VWDE: variants seen among roughly 807,000 people sequenced by gnomAD.
The protein encoded by VWDE is von Willebrand factor D and EGF domain-containing protein.
A neutral mutation model predicts 178.4 loss-of-function variants in VWDE; 207 were observed. The ratio of observed to expected loss-of-function variants is 1.16; its 90% CI spans 1.04 to 1.30. The LOEUF is 1.30. Among genes scored for constraint, VWDE ranks in the 50% most tolerant of loss-of-function variants. The pLI is 0.00. For missense variants in VWDE, 2,287 were observed against 1,901.3 expected (o/e 1.20, Z -3.77); for synonymous variants, 738 against 651.4 (o/e 1.13, Z -2.02).
At chr7:12,331,334 T>C in intron 28 of VWDE, 137 bp from the exon 29 acceptor site, 1 of 582,518 alleles carries the variant, frequency 1.7e-6, no homozygotes, top group South Asian at 2.8e-5. Flanking sequence ...GACTCAATAC[T>C]GTTTTCATAA....
chr7:12,333,373 T>A (rs6460928), intron 28 of VWDE, 92 bp downstream of exon 28: 3 of 797,738 alleles, frequency 3.8e-6, no homozygotes, highest in Non-Finnish European at 5.6e-6. Context: ...TTGGAAATAA[T>A]AAAAAAACAT....
At chr7:12,381,958 T>C (rs541274358) in intron 4 of VWDE, among the ~76,000 whole-genome samples, 1 of 151,996 alleles carries the variant, frequency 6.6e-6, no homozygotes, top group South Asian at 2.1e-4. Context: ...TGCAACAGTA[T>C]AGATGAAACA....
intron 20 of VWDE, 42 bp from the exon 21 acceptor site, chr7:12,344,332 A>T: frequency 6.5e-7 from 1 of 1,550,198 alleles, no homozygotes; most frequent in Non-Finnish European, 8.7e-7. Context: ...ATCAATTACC[A>T]AATACAATTT....
At position 12,333,508 on chromosome 7, in the gene VWDE, C is replaced by A; in HGVS notation, c.4715G>T (p.Cys1572Phe). The change falls in exon 28 of 29, where the codon TGC becomes TTC. Residue 1572 changes from cysteine (C) to phenylalanine (F), a missense_variant. Physicochemically the swap from Cys to Phe is radical, Grantham distance 205. Coordinates refer to ENST00000275358, the MANE Select transcript of VWDE (RefSeq NM_001135924.3). ...GRCIFPNVCS[C>F]RTEYSGVKCE... ...TTTGACTCCAGAGTATTCAGTGCGGCAGGAACACACATTGGGAAATATGCA... is the reference window on the plus strand; with the variant it reads ...TTTGACTCCAGAGTATTCAGTGCGGAAGGAACACACATTGGGAAATATGCA... The A allele has an allele frequency of 1.3e-6, 2 of 1,551,162 alleles. No homozygotes were observed. Among genetic ancestry groups the A allele is most frequent in the Non-Finnish European group, 1.7e-6 (2 of 1,146,648 alleles).
At chr7:12,338,616 T>C (rs1324158948) in intron 24 of VWDE, among the ~76,000 whole-genome samples, 1 of 152,098 alleles carries the variant, frequency 6.6e-6, no homozygotes, top group East Asian at 1.9e-4. Flanking sequence ...AGGGTGGCCA[T>C]GTCTACCCAT....
intron 1 of VWDE, among the ~76,000 whole-genome samples, chr7:12,402,952 C>G (rs847991): frequency 6.6e-6 from 1 of 151,836 alleles, no homozygotes; most frequent in Non-Finnish European, 1.5e-5. Flanking sequence ...AATATAAGAA[C>G]AAGTCACCTT....
rs151314419 is a variant in VWDE at position 12,385,412 on chromosome 7, G to T, written c.476-1811C>A. Among the ~76,000 whole-genome samples, 1,089 of 152,272 alleles carry T rather than the reference G, an allele frequency of 7.2e-3. 13 individuals are homozygous for T. Among genetic ancestry groups the T allele is most frequent in the African/African-American group, 0.024 (1,003 of 41,552 alleles). On this transcript the variant is annotated intron_variant, in intron 3 of 28. Transcript: ENST00000275358. ...CTTCTAAAGTAGTTATGATAAGAAG[G>T]CTTTTTCCAAATAAGCTCCTTAAAA...
chr7:12,346,808 T>G (rs566734430), intron 19 of VWDE, among the ~76,000 whole-genome samples: 1 of 152,202 alleles, frequency 6.6e-6, no homozygotes, highest in South Asian at 2.1e-4. Flanking sequence ...ACTGTCTTCA[T>G]GCAAAGCTCT....
intron 6 of VWDE, among the ~76,000 whole-genome samples, chr7:12,379,242 A>G (rs187888411): frequency 6.4e-4 from 97 of 152,302 alleles, no homozygotes; most frequent in Admixed American, 1.3e-3. Context: ...CTTTACTCTA[A>G]TTTGAGCTAT....
At chr7:12,401,415 A>T (rs1784888156) in intron 1 of VWDE, among the ~76,000 whole-genome samples, 1 of 152,160 alleles carries the variant, frequency 6.6e-6, no homozygotes. Context: ...TAAGAAAATT[A>T]TATCTGGAAT....
At chr7:12,364,677 A>G (rs970845755) in intron 13 of VWDE, among the ~76,000 whole-genome samples, 1 of 152,148 alleles carries the variant, frequency 6.6e-6, no homozygotes, top group Admixed American at 6.6e-5. Flanking sequence ...TGTGTAGAAG[A>G]AATGATGGAA....
chr7:12,357,420 C>T lies in VWDE; in HGVS notation c.3370G>A (p.Gly1124Ser), dbSNP rs1485903536. Residue 1124 changes from glycine to serine, a missense_variant, in exon 17 of 29, where the codon GGT becomes AGT. By Grantham distance (56) the Gly-to-Ser change is moderately conservative (BLOSUM62 0). Coordinates refer to ENST00000275358, the MANE Select transcript of VWDE (RefSeq NM_001135924.3). ...TCCAACGTAAAATGGATGTCAGAAC[C>T]TTCTGGATCGAAGGCCACGAACTGA... The part of the protein sequence containing the change: ...EYQFVAFDPE[G>S]SDIHFTLDSG... 9 of 1,551,832 alleles carry T rather than the reference C, an allele frequency of 5.8e-6. No individual in the cohort carries two copies. The highest frequency in any genetic ancestry group is 7.0e-6 in the Non-Finnish European group (8 of 1,147,076).
intron 27 of VWDE, among the ~76,000 whole-genome samples, chr7:12,334,951 A>C (rs1320379779): frequency 2.0e-5 from 3 of 152,172 alleles, no homozygotes; most frequent in Admixed American, 2.0e-4. Context: ...AAATACCAGC[A>C]CTTAATAGTA....
intron 24 of VWDE, among the ~76,000 whole-genome samples, chr7:12,338,287 G>C (rs112440508): frequency 0.019 from 2,832 of 151,914 alleles, 83 homozygotes; most frequent in African/African-American, 0.064. Flanking sequence ...GTTCATGCTT[G>C]AGTCTACTGT....
Position 12,375,235 on chromosome 7 carries a change from A to G in VWDE, c.1025-8T>C. The G allele has an allele frequency of 6.5e-7, 1 of 1,544,940 alleles. No individual in the cohort carries two copies. Among genetic ancestry groups the G allele is most frequent in the African/African-American group, 1.4e-5 (1 of 72,938 alleles). On this transcript the variant is annotated splice_region_variant and splice_polypyrimidine_tract_variant and intron_variant, in intron 7 of 28. Transcript: ENST00000275358. ...AGCCTAGGTGCTCTCTACCTATTTA[A>G]TGAAAAAATAGGTTTAAAAATTTCC...
intron 18 of VWDE, among the ~76,000 whole-genome samples, chr7:12,353,145 A>G (rs12671655): frequency 1.3e-5 from 2 of 151,708 alleles, no homozygotes; most frequent in African/African-American, 2.4e-5. Flanking sequence ...CGGGGCTTAA[A>G]CAACAGAAAT....
At chr7:12,335,294 A>T (rs1780956736) in intron 27 of VWDE, among the ~76,000 whole-genome samples, 1 of 152,184 alleles carries the variant, frequency 6.6e-6, no homozygotes. Flanking sequence ...AGTTTCCACA[A>T]AAAATTTCAA....
chr7:12,340,501 T>C, intron 23 of VWDE, 84 bp from the exon 24 acceptor site: 1 of 933,812 alleles, frequency 1.1e-6, no homozygotes. Context: ...AAATGGTGCA[T>C]AATGAAATAT....
At chr7:12,350,518 G>A (rs1015072342) in intron 19 of VWDE, among the ~76,000 whole-genome samples, 1 of 152,048 alleles carries the variant, frequency 6.6e-6, no homozygotes, top group African/African-American at 2.4e-5. Context: ...ATGGTATCTA[G>A]CAGAAACTGC....
Sources: gnomAD v4.1 joint callset for allele counts (sites outside exome capture counted in the v4.1 genomes callset) on GRCh38, gnomAD v4.1.1 for gene constraint, MANE v1.5 for transcripts, NCBI Gene and HGNC (gene_info 2026-07-23, HGNC 2026-07-21) for gene names.